Variants in GCKR observed in about 807,000 individuals in gnomAD.
GCKR encodes the protein glucokinase regulator.
Under a neutral mutation model 82.9 loss-of-function variants are expected in GCKR, and 73 were observed. That is an observed-to-expected ratio of 0.88 (90% CI 0.73 to 1.07). The LOEUF is 1.07. Ranked by LOEUF, GCKR falls within the 50% of genes least tolerant of loss-of-function variation. The pLI is 0.00. For missense variants in GCKR, 784 were observed against 782.1 expected, an observed-to-expected ratio of 1.00 and a Z score of -0.03; for synonymous variants, 294 against 291.8, an observed-to-expected ratio of 1.01 and a Z score of -0.08.
chr2:27,505,617 G>A (rs1669707437), intron 9 of GCKR, 101 bp from the exon 10 acceptor site: 6 of 740,102 alleles, frequency 8.1e-6, no homozygotes, highest in Non-Finnish European at 1.3e-5. Flanking sequence ...GCACACTGGG[G>A]GCCACTGGTA....
chr2:27,497,053 C>T (rs1450108947), intron 1 of GCKR, 89 bp downstream of exon 1: 4 of 1,254,474 alleles, frequency 3.2e-6, no homozygotes, highest in African/African-American at 1.5e-5. Flanking sequence ...TTCTGCTCAC[C>T]TCTTCTTCCT....
rs747674842 is a variant in GCKR, at chr2:27,501,177, A to T, written c.592A>T (p.Thr198Ser). Reference sequence around the variant, plus strand: ...CCAGATGGACTGCTGCATGAACAACACAGCTGTCTTCTTGCCAGTCCTGGT... The same window carrying T: ...CCAGATGGACTGCTGCATGAACAACTCAGCTGTCTTCTTGCCAGTCCTGGT... ...AGQMDCCMNNTAVFLPVLVGF... is the reference protein window; with the variant it reads ...AGQMDCCMNNSAVFLPVLVGF... The change falls in exon 8 of 19, where the codon ACA becomes TCA. Residue 198 changes from threonine (T) to serine (S), a missense_variant. Coordinates refer to ENST00000264717, the MANE Select transcript of GCKR (RefSeq NM_001486.4). 3.1e-6 allele frequency: 5 copies of T among 1,613,884 alleles called. No homozygotes were observed. In the African/African-American group the frequency reaches 6.7e-5, roughly 22 times the overall value.
rs1669506026 is a variant in GCKR, at chr2:27,499,152, G to T, written c.439G>T (p.Ala147Ser). Residue 147 changes from alanine (A) to serine (S), a missense_variant, in exon 6 of 19, where the codon GCC (alanine) becomes TCC (serine). Physicochemically the swap from Ala to Ser is moderately conservative, Grantham distance 99 (BLOSUM62 1). Transcript: ENST00000264717. ...AGTCTGTCCTCTTAGGTCTGTGGTG[G>T]CCTCTAGGGAGGGGACAGAAGATAG... ...LIAGGDRSVV[A>S]SREGTEDSAL... 6.2e-7 allele frequency: 1 copy of T among 1,607,080 alleles called. No individual in the cohort carries two copies. Among genetic ancestry groups the T allele is most frequent in the Non-Finnish European group, 8.5e-7 (1 of 1,173,652 alleles).
At position 27,523,569 on chromosome 2, in the gene GCKR, T is replaced by A. The variant is rs1670203733; in HGVS notation, c.*130T>A. 1.2e-6 allele frequency: 1 copy of A among 854,308 alleles called. No individual in the cohort carries two copies. Among genetic ancestry groups the A allele is most frequent in the Non-Finnish European group, 1.9e-6 (1 of 525,178 alleles). The allele number at this position is 854,308 out of a possible 1,614,324, so 52.9% of individuals were successfully genotyped here. A position where few individuals can be genotyped will look rare whatever the true frequency, so the allele number is the denominator to read the frequency against. On this transcript the variant is annotated 3_prime_UTR_variant, in exon 19 of 19. Transcript: ENST00000264717. Reference sequence around the variant, plus strand: ...TTTCCAGGGCATCCGCAGCCCAGGGTAGGGAGAAATATTCTCTCCACTTTG... The same window carrying A: ...TTTCCAGGGCATCCGCAGCCCAGGGAAGGGAGAAATATTCTCTCCACTTTG...
intron 10 of GCKR, among the ~76,000 whole-genome samples, chr2:27,506,146 T>C (rs1669734640): frequency 6.6e-6 from 1 of 152,106 alleles, no homozygotes. Flanking sequence ...GCCATGCAGG[T>C]AGAGCTTATC....
intron 6 of GCKR, 50 bp downstream of exon 6, chr2:27,499,258 C>T (rs2148579174): frequency 2.1e-6 from 3 of 1,429,308 alleles, no homozygotes; most frequent in Non-Finnish European, 3.0e-6. Flanking sequence ...TGTTCCTTCT[C>T]ATGGGGACAT....
Position 27,518,912 on chromosome 2 carries a change from T to TC in GCKR, c.1548dup (p.Trp517LeufsTer35). On this transcript the variant is annotated frameshift_variant, in exon 17 of 19. Transcript: ENST00000264717. LOFTEE classifies it high-confidence loss of function. ...CTTCGGATTAGCAACTCCAAGCTCT[T>TC]CTGGCGGGCGCTGGCCATGCTGCAG... is the stretch of plus-strand genomic sequence containing the variant. 1 of 1,606,590 alleles carries TC rather than the reference T, an allele frequency of 6.2e-7. No individual in the cohort carries two copies.
At chr2:27,500,453 T>C (rs768827136) in intron 7 of GCKR, among the ~76,000 whole-genome samples, 1 of 152,236 alleles carries the variant, frequency 6.6e-6, no homozygotes, top group Non-Finnish European at 1.5e-5. Flanking sequence ...AATAAAGTTA[T>C]TGGAACACAG....
chr2:27,504,139 C>A (rs866235385), intron 9 of GCKR, among the ~76,000 whole-genome samples: 1 of 152,174 alleles, frequency 6.6e-6, no homozygotes, highest in East Asian at 1.9e-4. Context: ...TTGGGCCTTA[C>A]GAGGGCCTTA....
At chr2:27,509,525 A>G in intron 16 of GCKR, 1 of 445,278 alleles carries the variant, frequency 2.2e-6, no homozygotes, top group Non-Finnish European at 4.6e-6. Context: ...TTTTTTTTGT[A>G]GAGATCGGGT....
chr2:27,512,849 T>C (rs1042620463), intron 16 of GCKR, among the ~76,000 whole-genome samples: 5 of 152,214 alleles, frequency 3.3e-5, no homozygotes, highest in South Asian at 2.1e-4. Flanking sequence ...TTTGATGACA[T>C]TGATATCTTA....
intron 9 of GCKR, among the ~76,000 whole-genome samples, chr2:27,505,167 T>C (rs925735896): frequency 2.4e-4 from 26 of 109,548 alleles, no homozygotes; most frequent in South Asian, 1.8e-3. Context: ...GAGGCCGAGG[T>C]GGGCGAATCA....
rs1416204538 is a variant in GCKR at position 27,497,271 on chromosome 2, A to G, written c.88A>G (p.Ile30Val). ...GTCTGGGTACGAGGCAGCTGTGCCA[A>G]TCACGGAGAAGTCAAACCCACTGAC... ...ELSGYEAAVP[I>V]TEKSNPLTQD... The change falls in exon 2 of 19, where the codon ATC (isoleucine) becomes GTC (valine). Residue 30 changes from isoleucine (I) to valine (V), a missense_variant. Coordinates refer to ENST00000264717, the MANE Select transcript of GCKR (RefSeq NM_001486.4). 6.2e-7 allele frequency: 1 copy of G among 1,614,050 alleles called. No homozygotes were observed. Among genetic ancestry groups the G allele is most frequent in the Non-Finnish European group, 8.5e-7 (1 of 1,180,040 alleles).
At chr2:27,506,311 C>T (rs893511605) in intron 10 of GCKR, among the ~76,000 whole-genome samples, 170 bp from the exon 11 acceptor site, 1 of 152,168 alleles carries the variant, frequency 6.6e-6, no homozygotes, top group Non-Finnish European at 1.5e-5. Flanking sequence ...ATTGAAGAAG[C>T]CCTTGCTGCC....
At chr2:27,504,239 T>C (rs1669652540) in intron 9 of GCKR, among the ~76,000 whole-genome samples, 1 of 152,206 alleles carries the variant, frequency 6.6e-6, no homozygotes, top group Non-Finnish European at 1.5e-5. Context: ...GATAAGAAGG[T>C]AGAATTCCAT....
chr2:27,507,690 T>C lies in GCKR; in HGVS notation c.1153T>C (p.Phe385Leu), dbSNP rs1669782517. The change falls in exon 14 of 19, where the codon TTC becomes CTC. Residue 385 changes from phenylalanine (F) to leucine (L), a missense_variant. By Grantham distance (22) the Phe-to-Leu change is conservative. Coordinates refer to ENST00000264717, the MANE Select transcript of GCKR (RefSeq NM_001486.4). The part of the protein sequence containing the change: ...KAELTNQGPQ[F>L]TFSQEDFLTS... Reference sequence around the variant, plus strand: ...TCTTCTTCTGCCCCAGGGTCCCCAGTTCACCTTCTCCCAGGAGGACTTCCT... The same window carrying C: ...TCTTCTTCTGCCCCAGGGTCCCCAGCTCACCTTCTCCCAGGAGGACTTCCT... 6.3e-7 allele frequency: 1 copy of C among 1,593,572 alleles called. No homozygotes were observed. Among genetic ancestry groups the C allele is most frequent in the African/African-American group, 1.3e-5 (1 of 74,484 alleles).
At chr2:27,502,210 T>A (rs187838308) in intron 8 of GCKR, among the ~76,000 whole-genome samples, 57 of 152,300 alleles carry the variant, frequency 3.7e-4, no homozygotes, top group African/African-American at 1.3e-3. Context: ...TATGCGAAGG[T>A]GTAAATGAAT....
intron 16 of GCKR, among the ~76,000 whole-genome samples, chr2:27,513,194 A>G (rs1301460497): frequency 6.6e-6 from 1 of 152,068 alleles, no homozygotes. Context: ...TTCTATTTCT[A>G]TCCCTTCCAT....
chr2:27,518,765 C>T lies in GCKR; in HGVS notation c.1423-23C>T, dbSNP rs745386562. On this transcript the variant is annotated intron_variant, in intron 16 of 18. Coordinates refer to ENST00000264717, the MANE Select transcript of GCKR (RefSeq NM_001486.4). ...TTTTCTGTCCTCTAATTTTTGACAC[C>T]CCCATGTGTCTGCCCTTTTCAGAAG... 269 of 1,605,530 alleles carry T rather than the reference C, an allele frequency of 1.7e-4. 5 individuals carry two copies. The South Asian group carries it at 2.9e-3, about 17-fold the overall frequency.
Sources: gnomAD v4.1 joint callset for allele counts (sites outside exome capture counted in the v4.1 genomes callset) on GRCh38, gnomAD v4.1.1 for gene constraint, MANE v1.5 for transcripts, NCBI Gene and HGNC (gene_info 2026-07-23, HGNC 2026-07-21) for gene names.